The following SATB2 variants were observed in gnomAD, a reference collection of about 807,000 sequenced individuals.
The protein encoded by SATB2 is DNA-binding protein SATB2.
Under a neutral mutation model 73.4 loss-of-function variants are expected in SATB2, and 1 was observed. That is an observed-to-expected ratio of 0.01 (90% CI 0.00 to 0.06). SATB2 has a LOEUF of 0.06. SATB2 is among the 10% of genes least tolerant of loss of function. The probability of loss-of-function intolerance (pLI) is 1.00; values close to 1 mark genes in which losing one functional copy is unlikely to be tolerated. For missense variants in SATB2, 459 were observed against 945.8 expected (o/e 0.49, Z 6.75); for synonymous variants, 397 against 367.0 (o/e 1.08, Z -0.93).
At chr2:199,448,698 C>A (rs1400136032) in intron 2 of SATB2, among the ~76,000 whole-genome samples, 2 of 152,142 alleles carry the variant, frequency 1.3e-5, no homozygotes, top group African/African-American at 4.8e-5. Flanking sequence ...AGCTGCTGTG[C>A]ACATTTCAGT....
chr2:199,350,851 C>T (rs1364133230), intron 6 of SATB2, among the ~76,000 whole-genome samples: 2 of 151,834 alleles, frequency 1.3e-5, no homozygotes, highest in Non-Finnish European at 2.9e-5. Flanking sequence ...AGCAAAACCC[C>T]GTCTCTACTT....
intron 9 of SATB2, among the ~76,000 whole-genome samples, chr2:199,311,800 T>C (rs1246535848): frequency 6.6e-6 from 1 of 152,238 alleles, no homozygotes; most frequent in African/African-American, 2.4e-5. Context: ...ACCATCATTT[T>C]ATTCATATCA....
intron 1 of SATB2, among the ~76,000 whole-genome samples, chr2:199,456,759 T>C (rs1229218724): frequency 6.6e-6 from 1 of 152,246 alleles, no homozygotes; most frequent in African/African-American, 2.4e-5. Flanking sequence ...ATCGTTATTA[T>C]TTTGGAGCGT....
At chr2:199,346,210 C>T (rs895946074) in intron 7 of SATB2, among the ~76,000 whole-genome samples, 4 of 150,724 alleles carry the variant, frequency 2.7e-5, no homozygotes, top group Admixed American at 6.6e-5. Context: ...AGTGCAGTGG[C>T]GCAATCTCGG....
At chr2:199,286,528 G>A (rs1045302599) in intron 10 of SATB2, among the ~76,000 whole-genome samples, 4 of 152,170 alleles carry the variant, frequency 2.6e-5, no homozygotes, top group South Asian at 2.1e-4. Context: ...TGGGAAGACC[G>A]GACCCTTTAG....
At chr2:199,337,878 C>T (rs1011593267) in intron 7 of SATB2, among the ~76,000 whole-genome samples, 3 of 152,052 alleles carry the variant, frequency 2.0e-5, no homozygotes, top group African/African-American at 7.2e-5. Flanking sequence ...AATAAATGAC[C>T]ATGAAAGGAA....
chr2:199,462,548 G>A (rs1574652340), upstream of SATB2, among the ~76,000 whole-genome samples: 1 of 152,146 alleles, frequency 6.6e-6, no homozygotes, highest in Non-Finnish European at 1.5e-5. This position sits in a 1 kb window ranked among gnomAD's most constrained non-coding sequence, Gnocchi z 5.9. Flanking sequence ...GCAGGGCGGG[G>A]GACACTTACT....
intron 3 of SATB2, among the ~76,000 whole-genome samples, chr2:199,431,957 A>T (rs1691516408): frequency 6.6e-6 from 1 of 152,222 alleles, no homozygotes; most frequent in Admixed American, 6.5e-5. Context: ...ATTTCATTTA[A>T]GTACATAGCA....
At chr2:199,370,188 T>A (rs1184644633) in intron 5 of SATB2, among the ~76,000 whole-genome samples, 1 of 152,074 alleles carries the variant, frequency 6.6e-6, no homozygotes, top group African/African-American at 2.4e-5. Flanking sequence ...CCGCTCTGGC[T>A]GAGATTCACT....
intron 8 of SATB2, among the ~76,000 whole-genome samples, chr2:199,324,965 C>T (rs949899468): frequency 1.3e-5 from 2 of 152,136 alleles, no homozygotes; most frequent in African/African-American, 4.8e-5. Flanking sequence ...CACAAGTTTC[C>T]CTGTGCGGAT....
At chr2:199,446,230 A>G (rs547181491) in intron 2 of SATB2, among the ~76,000 whole-genome samples, 2 of 152,348 alleles carry the variant, frequency 1.3e-5, no homozygotes, top group East Asian at 3.9e-4. Context: ...GTTTTATTAA[A>G]AAATTTTACC....
At chr2:199,399,583 G>T (rs1484056600) in intron 3 of SATB2, among the ~76,000 whole-genome samples, 2 of 152,132 alleles carry the variant, frequency 1.3e-5, no homozygotes, top group Admixed American at 6.5e-5. Context: ...AAGTTTCATT[G>T]GCTCACGGTT....
At chr2:199,349,426 T>C (rs1224570580) in intron 6 of SATB2, among the ~76,000 whole-genome samples, 1 of 152,192 alleles carries the variant, frequency 6.6e-6, no homozygotes, top group Non-Finnish European at 1.5e-5. Context: ...AAAGTAAGCA[T>C]TTCTTTAAAT....
chr2:199,422,848 C>G (rs903087877), intron 3 of SATB2, among the ~76,000 whole-genome samples: 4 of 151,938 alleles, frequency 2.6e-5, no homozygotes, highest in Non-Finnish European at 5.9e-5. Flanking sequence ...TTTATTATAG[C>G]CATAATATGT....
chr2:199,439,093 C>A (rs1385771400), intron 2 of SATB2, among the ~76,000 whole-genome samples: 4 of 152,226 alleles, frequency 2.6e-5, no homozygotes, highest in African/African-American at 9.7e-5. Flanking sequence ...TTTTGTCTGC[C>A]TACCAGGTGT....
chr2:199,422,181 C>T (rs1691191785), intron 3 of SATB2, among the ~76,000 whole-genome samples: 1 of 152,024 alleles, frequency 6.6e-6, no homozygotes, highest in African/African-American at 2.4e-5. Flanking sequence ...ATCTGACCTC[C>T]ACTACGTAAA....
intron 6 of SATB2, among the ~76,000 whole-genome samples, chr2:199,359,524 A>G (rs1689077751): frequency 6.6e-6 from 1 of 152,180 alleles, no homozygotes; most frequent in Admixed American, 6.5e-5. Context: ...TTGACAGATC[A>G]GGTAGCAAAT....
chr2:199,365,991 A>G (rs1380598034), intron 6 of SATB2, among the ~76,000 whole-genome samples: 1 of 152,162 alleles, frequency 6.6e-6, no homozygotes, highest in Non-Finnish European at 1.5e-5. Flanking sequence ...ATTAAGAAGC[A>G]ACCACTTAGT....
At chr2:199,373,056 G>C (rs1689495609) in intron 5 of SATB2, among the ~76,000 whole-genome samples, 1 of 152,154 alleles carries the variant, frequency 6.6e-6, no homozygotes, top group South Asian at 2.1e-4. Flanking sequence ...GTGGTACTAA[G>C]AGTAGCTAAG....
Sources: gnomAD v4.1 joint callset for allele counts (sites outside exome capture counted in the v4.1 genomes callset) on GRCh38, gnomAD v4.1.1 for gene constraint, Gnocchi (gnomAD v3.1) non-coding constraint, MANE v1.5 for transcripts, NCBI Gene and HGNC (gene_info 2026-07-23, HGNC 2026-07-21) for gene names.